Variants in FGF1 observed in about 807,000 individuals in gnomAD.
FGF1 encodes fibroblast growth factor 1.
FGF1 carries 9 observed loss-of-function variants against 13.4 expected under a neutral mutation model. The observed-to-expected ratio is 0.67, with a 90% confidence interval of 0.40 to 1.17. The LOEUF (loss-of-function observed/expected upper bound fraction) is 1.17. Among genes scored for constraint, FGF1 ranks in the 50% most tolerant of loss-of-function variants. FGF1 has a pLI of 0.01. For missense variants in FGF1, 156 were observed against 192.7 expected (o/e 0.81, Z 1.13); for synonymous variants, 93 against 79.0 (o/e 1.18, Z -0.94).
chr5:142,645,712 C>T (rs1765913310), intron 1 of FGF1, among the ~76,000 whole-genome samples: 12 of 152,178 alleles, frequency 7.9e-5, no homozygotes, highest in Admixed American at 7.9e-4. Flanking sequence ...CCACCTTCCT[C>T]CAACGGCCTC....
chr5:142,602,770 A>G (rs148021477), intron 2 of FGF1, among the ~76,000 whole-genome samples: 301 of 152,176 alleles, frequency 2.0e-3, no homozygotes, highest in African/African-American at 6.9e-3. Context: ...CAGGATGGAA[A>G]GAGTAAACTT....
intron 1 of FGF1, among the ~76,000 whole-genome samples, chr5:142,625,766 G>A (rs1381146359): frequency 6.6e-6 from 1 of 152,228 alleles, no homozygotes; most frequent in African/African-American, 2.4e-5. Flanking sequence ...TTACTGATGT[G>A]TCTCCAAAAA....
Position 142,620,235 on chromosome 5 carries a change from G to A in FGF1, c.-34-6074C>T, listed in dbSNP as rs1331720221. ...GATCGAGACCATCCTGGCTAACACAGTGAAACCCTGTCTCTACTAAAAATA... is the reference window on the plus strand; with the variant it reads ...GATCGAGACCATCCTGGCTAACACAATGAAACCCTGTCTCTACTAAAAATA... On this transcript the variant is annotated intron_variant, in intron 1 of 3. Transcript: ENST00000337706. Among the ~76,000 whole-genome samples, 3 of 152,240 alleles carry A rather than the reference G, an allele frequency of 2.0e-5. No individual in the cohort carries two copies. The East Asian group carries it at 5.8e-4, about 29-fold the overall frequency.
intron 1 of FGF1, among the ~76,000 whole-genome samples, chr5:142,647,640 T>C (rs1766410313): frequency 6.6e-6 from 1 of 152,224 alleles, no homozygotes; most frequent in African/African-American, 2.4e-5. Flanking sequence ...ATACACTTTA[T>C]ATACCTAGTC....
chr5:142,666,279 TAC>T (rs70991775), intron 1 of FGF1, among the ~76,000 whole-genome samples: 3,808 of 62,354 alleles, frequency 0.061, 163 homozygotes, highest in African/African-American at 0.11. Context: ...GAGCATGTAA[TAC>T]ACACACACAC....
chr5:142,620,520 T>A (rs1377497944), intron 1 of FGF1, among the ~76,000 whole-genome samples: 1 of 152,088 alleles, frequency 6.6e-6, no homozygotes, highest in Non-Finnish European at 1.5e-5. Flanking sequence ...ACATAATAAG[T>A]GGATTAATTC....
chr5:142,612,802 G>A (rs949289837), intron 2 of FGF1, among the ~76,000 whole-genome samples: 8 of 152,088 alleles, frequency 5.3e-5, no homozygotes, highest in African/African-American at 1.9e-4. Context: ...AAGGAACAAC[G>A]TCACCTCGTG....
chr5:142,689,503 C>T (rs1751789159), upstream of FGF1, among the ~76,000 whole-genome samples: 1 of 152,128 alleles, frequency 6.6e-6, no homozygotes, highest in South Asian at 2.1e-4. Context: ...CAATGACCCT[C>T]AAGAAGGAAG....
upstream of FGF1, chr5:142,698,042 C>T (rs1010575005): frequency 6.6e-6 from 1 of 152,150 alleles, no homozygotes; most frequent in Admixed American, 6.5e-5. Context: ...AGGACAAGCA[C>T]TGTATATTTA....
chr5:142,635,332 A>G (rs991025223), intron 1 of FGF1, among the ~76,000 whole-genome samples: 1 of 152,206 alleles, frequency 6.6e-6, no homozygotes, highest in African/African-American at 2.4e-5. Flanking sequence ...AATGTGAGTT[A>G]CCGTCATCTT....
intron 1 of FGF1, among the ~76,000 whole-genome samples, chr5:142,637,486 A>AT (rs1276661293): frequency 9.9e-5 from 15 of 151,630 alleles, no homozygotes; most frequent in Non-Finnish European, 1.6e-4. Flanking sequence ...CACTCAGCTA[A>AT]TTTTTTTGTA....
chr5:142,658,526 T>C (rs755734330), intron 1 of FGF1, among the ~76,000 whole-genome samples: 3 of 152,226 alleles, frequency 2.0e-5, no homozygotes, highest in Non-Finnish European at 2.9e-5. Context: ...GGATGTGTCA[T>C]GCCTTGGAGA....
intron 1 of FGF1, chr5:142,627,038 C>T (rs1203978706): frequency 3.3e-5 from 5 of 152,250 alleles, no homozygotes; most frequent in African/African-American, 4.8e-5. Flanking sequence ...GGACAAGGTC[C>T]AGGAGGGAGC....
intron 1 of FGF1, among the ~76,000 whole-genome samples, chr5:142,637,454 G>A (rs986958454): frequency 1.3e-4 from 19 of 151,754 alleles, no homozygotes; most frequent in Admixed American, 1.0e-3. Context: ...CGAGTAGCTG[G>A]GACTACAGGT....
intron 2 of FGF1, among the ~76,000 whole-genome samples, chr5:142,611,758 C>T (rs925544635): frequency 2.0e-5 from 3 of 152,252 alleles, no homozygotes; most frequent in Admixed American, 6.5e-5. Flanking sequence ...ACAACAACTC[C>T]GAGTGTTGGC....
rs576884891 is a variant in FGF1 at position 142,595,207 on chromosome 5, T to C, written c.*83A>G. The C allele has an allele frequency of 7.7e-6, 9 of 1,171,270 alleles. No individual in the cohort carries two copies. In the Admixed American group the frequency reaches 8.9e-5, roughly 12 times the overall value. 72.6% of individuals were successfully genotyped at this position (1,171,270 alleles called of 1,614,324 possible). On this transcript the variant is annotated 3_prime_UTR_variant, in exon 4 of 4. Transcript: ENST00000337706. ...GTGGGCTGGGGGTTAGCGCAGCCAA[T>C]GGTCAAGGGAACATTTTTGGGTCAA...
intron 3 of FGF1, among the ~76,000 whole-genome samples, chr5:142,598,555 T>C (rs1313793850): frequency 6.6e-6 from 1 of 152,154 alleles, no homozygotes; most frequent in East Asian, 1.9e-4. Context: ...AAATCACCCA[T>C]TCTCCACCCC....
intron 1 of FGF1, among the ~76,000 whole-genome samples, chr5:142,678,126 T>G (rs193219145): frequency 6.6e-6 from 1 of 152,072 alleles, no homozygotes; most frequent in Non-Finnish European, 1.5e-5. Context: ...GTTGGTGTGA[T>G]GTCGGATGGG....
At chr5:142,608,154 G>A (rs1017730690) in intron 2 of FGF1, among the ~76,000 whole-genome samples, 7 of 152,110 alleles carry the variant, frequency 4.6e-5, no homozygotes, top group Non-Finnish European at 7.4e-5. Context: ...CAAATGTAAC[G>A]ATAAGACCAC....
Sources: allele counts gnomAD v4.1 joint callset (sites outside exome capture counted in the v4.1 genomes callset), GRCh38; gene constraint gnomAD v4.1.1; transcripts MANE v1.5; gene names NCBI Gene and HGNC (gene_info 2026-07-23, HGNC 2026-07-21).